The following ADAM22 variants were observed in gnomAD, a reference collection of about 807,000 sequenced individuals.
ADAM22 encodes the protein ADAM metallopeptidase domain 22.
ADAM22 carries 65 observed loss-of-function variants against 144.6 expected under a neutral mutation model. That is an observed-to-expected ratio of 0.45 (90% CI 0.37 to 0.55). The LOEUF is 0.55. ADAM22 is among the 20% of genes least tolerant of loss of function. ADAM22 has a pLI of 0.00. For missense variants in ADAM22, 974 were observed against 1,184.9 expected (o/e 0.82, Z 2.61); for synonymous variants, 391 against 412.6 (o/e 0.95, Z 0.63).
chr7:87,997,851 A>G (rs1347483929), intron 3 of ADAM22, among the ~76,000 whole-genome samples: 2 of 152,218 alleles, frequency 1.3e-5, no homozygotes, highest in East Asian at 1.9e-4. Flanking sequence ...TATATATGAA[A>G]GAGAGTTTAT....
chr7:88,077,109 A>G (rs1261552200), intron 4 of ADAM22, among the ~76,000 whole-genome samples: 1 of 152,156 alleles, frequency 6.6e-6, no homozygotes, highest in Non-Finnish European at 1.5e-5. Flanking sequence ...TTGCTTCTGT[A>G]TCATTTTGTA....
intron 17 of ADAM22, among the ~76,000 whole-genome samples, chr7:88,148,462 C>T (rs947959446): frequency 6.6e-5 from 10 of 152,008 alleles, no homozygotes; most frequent in African/African-American, 2.2e-4. Flanking sequence ...ATAATAGAAA[C>T]ACTAGAAAAT....
At chr7:87,947,707 C>T (rs1396192934) in intron 2 of ADAM22, among the ~76,000 whole-genome samples, 1 of 152,132 alleles carries the variant, frequency 6.6e-6, no homozygotes, top group East Asian at 1.9e-4. Context: ...ATGACATCTA[C>T]TTGCGGTCTT....
chr7:87,974,164 C>G (rs1003333815), intron 2 of ADAM22, among the ~76,000 whole-genome samples: 1 of 150,820 alleles, frequency 6.6e-6, no homozygotes, highest in Non-Finnish European at 1.5e-5. Context: ...ATTAGCCAGC[C>G]GTGGTGGCGG....
chr7:87,975,125 C>T lies in ADAM22; in HGVS notation c.247-3211C>T, dbSNP rs185857855. Among the ~76,000 whole-genome samples, 8 of 152,156 alleles carry T rather than the reference C, an allele frequency of 5.3e-5. No homozygotes were observed. In the South Asian group the frequency reaches 1.0e-3, roughly 20 times the overall value. ...ATTTAGGGGTCATTATTTTCCCTACCGCAGATTCCTTCTAGTTATTAATGT... is the reference window on the plus strand; with the variant it reads ...ATTTAGGGGTCATTATTTTCCCTACTGCAGATTCCTTCTAGTTATTAATGT... On this transcript the variant is annotated intron_variant, in intron 2 of 31. Transcript: ENST00000413139.
intron 2 of ADAM22, among the ~76,000 whole-genome samples, chr7:87,954,357 G>T (rs978869320): frequency 4.0e-5 from 6 of 151,876 alleles, no homozygotes; most frequent in African/African-American, 9.7e-5. Context: ...AAATCTCTCA[G>T]CATTTGCTTG....
intron 22 of ADAM22, among the ~76,000 whole-genome samples, chr7:88,162,555 A>G (rs1446188673): frequency 6.6e-6 from 1 of 152,142 alleles, no homozygotes; most frequent in Non-Finnish European, 1.5e-5. Flanking sequence ...TTGTGAATAT[A>G]TATTTTCAAT....
chr7:88,196,421 T>G (rs1242524062), intron 31 of ADAM22, 50 bp from the exon 32 acceptor site: 2 of 1,608,184 alleles, frequency 1.2e-6, no homozygotes, highest in Admixed American at 3.3e-5. Context: ...TCAGAATACA[T>G]CTGCTTCCTG....
In ADAM22 at chr7:88,081,249, A is replaced by C. The variant is rs937753903; in HGVS notation, c.390+5557A>C. Among the ~76,000 whole-genome samples, 3 of 152,224 alleles carry C rather than the reference A, an allele frequency of 2.0e-5. No homozygotes were observed. In the East Asian group the frequency reaches 5.8e-4, roughly 29 times the overall value. On this transcript the variant is annotated intron_variant, in intron 4 of 31. Coordinates refer to ENST00000413139, the MANE Select transcript of ADAM22 (RefSeq NM_001324418.2). The stretch of plus-strand genomic sequence containing the variant: ...AACCAAAGACAAAAACCACATGATT[A>C]TCTCAATAGATGCAGAAAAGGCCTT...
intron 12 of ADAM22, among the ~76,000 whole-genome samples, chr7:88,133,827 T>A (rs970028956): frequency 6.6e-6 from 1 of 152,224 alleles, no homozygotes; most frequent in African/African-American, 2.4e-5. Flanking sequence ...ATATCCTCAG[T>A]TCTTCTTAAG....
chr7:88,159,671 A>G (rs1841012114), intron 22 of ADAM22, among the ~76,000 whole-genome samples: 1 of 152,188 alleles, frequency 6.6e-6, no homozygotes, highest in Non-Finnish European at 1.5e-5. Flanking sequence ...GATTATCTCA[A>G]TAGATGCAAA....
At chr7:88,109,189 A>G (rs987856089) in intron 5 of ADAM22, among the ~76,000 whole-genome samples, 3 of 152,100 alleles carry the variant, frequency 2.0e-5, no homozygotes, top group African/African-American at 7.2e-5. Context: ...AATTCATAGC[A>G]AATCTGTGGG....
In ADAM22 at chr7:88,149,014, A is replaced by C; in HGVS notation, c.1523A>C (p.Asn508Thr). The C allele has an allele frequency of 6.2e-7, 1 of 1,612,554 alleles. No individual in the cohort carries two copies. ...PMGTVCREAV[N>T]DCDIRETCSG... Reference sequence around the variant, plus strand: ...GGCACTGTGTGCCGAGAAGCAGTAAATGATTGTGATATTCGTGAAACGTGC... The same window carrying C: ...GGCACTGTGTGCCGAGAAGCAGTAACTGATTGTGATATTCGTGAAACGTGC... The change falls in exon 18 of 32, where the codon AAT (asparagine) becomes ACT (threonine). Residue 508 changes from asparagine to threonine, a missense_variant. Asn to Thr is a moderately conservative substitution (Grantham distance 65, BLOSUM62 0). This residue lies in a region of ADAM22 where 734 missense variants were observed against 950.6 expected (regional missense o/e 0.77). Coordinates refer to ENST00000413139, the MANE Select transcript of ADAM22 (RefSeq NM_001324418.2).
intron 4 of ADAM22, among the ~76,000 whole-genome samples, chr7:88,090,779 A>G (rs533512021): frequency 6.6e-6 from 1 of 152,288 alleles, no homozygotes; most frequent in African/African-American, 2.4e-5. Flanking sequence ...CATGGTGCTT[A>G]TGGGAAACAA....
intron 19 of ADAM22, 76 bp downstream of exon 19, chr7:88,151,107 G>A (rs1838214352): frequency 6.5e-7 from 1 of 1,538,546 alleles, no homozygotes; most frequent in Admixed American, 1.7e-5. Flanking sequence ...ATCAAAATAG[G>A]AAGATCAATT....
intron 3 of ADAM22, among the ~76,000 whole-genome samples, chr7:87,992,091 AG>A (rs1196604997): frequency 6.6e-6 from 1 of 152,226 alleles, no homozygotes; most frequent in Non-Finnish European, 1.5e-5. Context: ...CTATAGTGCA[AG>A]ATGGTATCCA....
At chr7:88,137,023 A>G (rs1833141357) in intron 14 of ADAM22, among the ~76,000 whole-genome samples, 1 of 152,102 alleles carries the variant, frequency 6.6e-6, no homozygotes, top group Non-Finnish European at 1.5e-5. Context: ...TCCATTATTA[A>G]TTCCCAGCCC....
chr7:88,120,071 AT>A (rs1408755598), intron 7 of ADAM22, among the ~76,000 whole-genome samples: 6 of 152,084 alleles, frequency 3.9e-5, no homozygotes, highest in Admixed American at 3.9e-4. Flanking sequence ...TTAATTCAGT[AT>A]ATCTTGGGTG....
At chr7:88,075,744 C>A in intron 4 of ADAM22, 52 bp downstream of exon 4, 1 of 1,208,838 alleles carries the variant, frequency 8.3e-7, no homozygotes, top group Non-Finnish European at 1.2e-6. Context: ...TCTTTTAATA[C>A]TACTGATTAT....
Sources: gnomAD v4.1 joint callset for allele counts (sites outside exome capture counted in the v4.1 genomes callset) on GRCh38, gnomAD v4.1.1 for gene constraint, gnomAD v4.1.1 regional missense constraint, MANE v1.5 for transcripts, NCBI Gene and HGNC (gene_info 2026-07-23, HGNC 2026-07-21) for gene names.